GPD2: variants seen among roughly 807,000 people sequenced by gnomAD.
The protein encoded by GPD2 is glycerol-3-phosphate dehydrogenase 2, also known as glycerol-3-phosphate dehydrogenase, mitochondrial.
GPD2 carries 54 observed loss-of-function variants against 82.4 expected under a neutral mutation model. That is an observed-to-expected ratio of 0.66 (90% CI 0.53 to 0.82). The LOEUF is 0.82. Among genes scored for constraint, GPD2 ranks in the 40% least tolerant of loss-of-function variants. The pLI is 0.00. For synonymous variants in GPD2, 288 were observed against 306.1 expected (o/e 0.94, Z 0.62); for missense variants, 748 against 896.2 (o/e 0.83, Z 2.11).
At position 156,446,339 on chromosome 2, in the gene GPD2, G is replaced by A. The variant is rs577664291; in HGVS notation, c.-9+9826G>A. Among the ~76,000 whole-genome samples the A allele has an allele frequency of 1.5e-4, 23 of 151,958 alleles. No homozygotes were observed. The South Asian group carries it at 4.2e-3, about 27-fold the overall frequency. Reference sequence around the variant, plus strand: ...TCGAACTCCTGACCTCAGGCAGTCCGCCCGCCTCAACCTCTCCAAGTGCTG... The same window carrying A: ...TCGAACTCCTGACCTCAGGCAGTCCACCCGCCTCAACCTCTCCAAGTGCTG... On this transcript the variant is annotated intron_variant, in intron 1 of 16. Transcript: ENST00000438166.
the GPD2 span, among the ~76,000 whole-genome samples, chr2:156,415,969 C>T: frequency 7.2e-5 from 7 of 97,066 alleles, no homozygotes; most frequent in South Asian, 3.2e-4. Context: ...TGCAGTGAGC[C>T]GAGATCCCGC....
At chr2:156,515,364 C>A (rs1161439364) in intron 6 of GPD2, among the ~76,000 whole-genome samples, 1 of 150,430 alleles carries the variant, frequency 6.6e-6, no homozygotes, top group Admixed American at 6.6e-5. Context: ...CAGCATGAGA[C>A]CCTATTTCAA....
At chr2:156,480,791 T>C (rs1309119568) in intron 2 of GPD2, among the ~76,000 whole-genome samples, 3 of 150,810 alleles carry the variant, frequency 2.0e-5, no homozygotes, top group East Asian at 3.9e-4. Flanking sequence ...TTTTTTTTTT[T>C]CCTGAGATGG....
intron 3 of GPD2, among the ~76,000 whole-genome samples, chr2:156,501,537 G>A (rs1163766853): frequency 6.6e-6 from 1 of 152,134 alleles, no homozygotes; most frequent in Non-Finnish European, 1.5e-5. Flanking sequence ...GGAAAGGAAG[G>A]AGATGTGTGC....
Position 156,566,880 on chromosome 2 carries a change from G to A in GPD2, c.1166-1945G>A, listed in dbSNP as rs918073170. ...ACCAGTATTTGTTATTTTCTGTTTC[G>A]TTTTGTTTTTGTTTGATAATATCCA... On this transcript the variant is annotated intron_variant, in intron 9 of 16. Transcript: ENST00000438166. 9.2e-5 allele frequency among the ~76,000 whole-genome samples: 14 copies of A among 151,946 alleles called. 1 individual carries two copies. Among genetic ancestry groups the A allele is most frequent in the East Asian group, 1.9e-4 (1 of 5,194 alleles).
intron 2 of GPD2, among the ~76,000 whole-genome samples, chr2:156,492,036 C>T (rs1170650186): frequency 6.7e-6 from 1 of 149,356 alleles, no homozygotes; most frequent in African/African-American, 2.5e-5. Flanking sequence ...AAAAAAAAGA[C>T]ACTCCCAAAC....
intron 6 of GPD2, among the ~76,000 whole-genome samples, chr2:156,523,026 C>T (rs1484692560): frequency 6.6e-6 from 1 of 151,970 alleles, no homozygotes; most frequent in Non-Finnish European, 1.5e-5. Flanking sequence ...TGTTTAGACT[C>T]TCCCACTATC....
At chr2:156,448,606 A>C (rs879382980) in intron 1 of GPD2, among the ~76,000 whole-genome samples, 4 of 152,260 alleles carry the variant, frequency 2.6e-5, no homozygotes, top group Non-Finnish European at 5.9e-5. Context: ...AGGACTTGAC[A>C]TTTAAGCTGA....
chr2:156,440,500 G>T (rs1307988682), intron 1 of GPD2, among the ~76,000 whole-genome samples: 5 of 152,126 alleles, frequency 3.3e-5, no homozygotes, highest in African/African-American at 1.2e-4. Context: ...TTGTTTGTTT[G>T]TTTGTTTTTG....
intron 1 of GPD2, among the ~76,000 whole-genome samples, chr2:156,453,472 G>A (rs1427386083): frequency 2.6e-5 from 4 of 152,200 alleles, no homozygotes; most frequent in African/African-American, 9.6e-5. Flanking sequence ...TGAGGCTGGA[G>A]TCTGCGGAGT....
chr2:156,406,395 A>G, the GPD2 span, among the ~76,000 whole-genome samples: 1 of 152,156 alleles, frequency 6.6e-6, no homozygotes, highest in Non-Finnish European at 1.5e-5. Flanking sequence ...CAATTAGTCA[A>G]CAAGCCTGAT....
At chr2:156,553,613 C>T (rs1031595059) in intron 8 of GPD2, among the ~76,000 whole-genome samples, 5 of 152,054 alleles carry the variant, frequency 3.3e-5, no homozygotes, top group Non-Finnish European at 7.4e-5. Flanking sequence ...TTTGTTCCCT[C>T]CCCCAGTTCT....
At chr2:156,514,881 AT>A (rs2105277131) in intron 6 of GPD2, among the ~76,000 whole-genome samples, 1 of 152,238 alleles carries the variant, frequency 6.6e-6, no homozygotes, top group East Asian at 1.9e-4. Context: ...ATGTTAATCC[AT>A]TGTAGTTTAT....
chr2:156,439,849 A>AAAATAAATGAATAAAT (rs1553463897), intron 1 of GPD2, among the ~76,000 whole-genome samples: 1 of 147,544 alleles, frequency 6.8e-6, no homozygotes, highest in Non-Finnish European at 1.5e-5. Context: ...TCTGTCTCAA[A>AAAATAAATGAATAAAT]AAATAAATAA....
At chr2:156,452,230 C>T (rs927502648) in intron 1 of GPD2, among the ~76,000 whole-genome samples, 11 of 152,188 alleles carry the variant, frequency 7.2e-5, no homozygotes, top group Admixed American at 2.6e-4. Context: ...TGTAGCGAGC[C>T]GAGATCACGC....
At chr2:156,445,613 G>C (rs1009698061) in intron 1 of GPD2, among the ~76,000 whole-genome samples, 10 of 152,202 alleles carry the variant, frequency 6.6e-5, no homozygotes, top group Admixed American at 5.9e-4. Flanking sequence ...GTGCAACTTG[G>C]TATCAGTCTT....
intron 9 of GPD2, among the ~76,000 whole-genome samples, chr2:156,565,133 C>T (rs565232486): frequency 6.3e-4 from 96 of 152,100 alleles, no homozygotes; most frequent in Non-Finnish European, 1.3e-3. Flanking sequence ...CTCGCAAAGC[C>T]TAATTTTCCA....
chr2:156,476,310 G>T, intron 2 of GPD2, 103 bp downstream of exon 2: 1 of 747,332 alleles, frequency 1.3e-6, no homozygotes, highest in Non-Finnish European at 2.5e-6. Flanking sequence ...GAAATTACTT[G>T]TGAAGTTTCT....
Position 156,579,005 on chromosome 2 carries a change from C to T in GPD2, c.1880+4C>T. 1 of 1,571,838 alleles carries T rather than the reference C, an allele frequency of 6.4e-7. No homozygotes were observed. The highest frequency in any genetic ancestry group is 1.7e-5 in the Admixed American group (1 of 59,956). Reference sequence around the variant, plus strand: ...TACTGCCTTCAGACATTGACAGGTACTTATAATAAGTGTCTATCTATCTCT... The same window carrying T: ...TACTGCCTTCAGACATTGACAGGTATTTATAATAAGTGTCTATCTATCTCT... On this transcript the variant is annotated splice_donor_region_variant and intron_variant, in intron 14 of 16. Transcript: ENST00000438166.
Sources: gnomAD v4.1 joint callset for allele counts (sites outside exome capture counted in the v4.1 genomes callset) on GRCh38, gnomAD v4.1.1 for gene constraint, MANE v1.5 for transcripts, NCBI Gene and HGNC (gene_info 2026-07-23, HGNC 2026-07-21) for gene names.